METAP1D: variants seen among roughly 807,000 people sequenced by gnomAD.
METAP1D encodes methionine aminopeptidase 1D, mitochondrial.
A neutral mutation model predicts 40.5 loss-of-function variants in METAP1D; 31 were observed. The observed-to-expected ratio is 0.77, with a 90% confidence interval of 0.58 to 1.03. METAP1D has a LOEUF of 1.03. Ranked by LOEUF, METAP1D falls within the 50% of genes least tolerant of loss-of-function variation. The pLI, the probability that METAP1D is intolerant of heterozygous loss-of-function variation, is 0.00. For missense variants in METAP1D, 411 were observed against 420.7 expected (o/e 0.98, Z 0.20); for synonymous variants, 151 against 146.4 (o/e 1.03, Z -0.22).
At chr2:172,038,213 A>G (rs1450728073) in intron 1 of METAP1D, among the ~76,000 whole-genome samples, 7 of 152,182 alleles carry the variant, frequency 4.6e-5, no homozygotes, top group Non-Finnish European at 1.0e-4. Flanking sequence ...TGGCCAAAAT[A>G]TATGCTTACA....
At chr2:172,060,719 C>T (rs754723302) in intron 1 of METAP1D, among the ~76,000 whole-genome samples, 1 of 152,140 alleles carries the variant, frequency 6.6e-6, no homozygotes, top group Admixed American at 6.5e-5. Flanking sequence ...TTTAATCAGT[C>T]CCCTACTGGT....
intron 1 of METAP1D, among the ~76,000 whole-genome samples, chr2:172,054,734 A>G (rs1689965037): frequency 6.6e-6 from 1 of 152,224 alleles, no homozygotes; most frequent in Non-Finnish European, 1.5e-5. Context: ...TGCAGGATCC[A>G]GAGGACATAG....
chr2:172,079,451 C>T (rs1419947550), intron 8 of METAP1D, among the ~76,000 whole-genome samples, 189 bp downstream of exon 8: 4 of 152,262 alleles, frequency 2.6e-5, no homozygotes, highest in Non-Finnish European at 5.9e-5. Flanking sequence ...CTTACCGACA[C>T]ATTTAGGAGA....
chr2:172,050,902 C>T (rs1041458471), intron 1 of METAP1D, among the ~76,000 whole-genome samples: 5 of 152,158 alleles, frequency 3.3e-5, no homozygotes, highest in African/African-American at 9.7e-5. Flanking sequence ...TAATAAACAG[C>T]TTCTTTATTT....
At position 172,080,466 on chromosome 2, in the gene METAP1D, C is replaced by A; in HGVS notation, c.*60C>A. 6.4e-7 allele frequency: 1 copy of A among 1,564,710 alleles called. No homozygotes were observed. The highest frequency in any genetic ancestry group is 8.8e-7 in the Non-Finnish European group (1 of 1,136,628). ...TTTTAAATAAATTGCTGAAATTTGG[C>A]TGGAGAACTTTTAGAAGAAACAGGG... On this transcript the variant is annotated 3_prime_UTR_variant, in exon 10 of 10. Coordinates refer to ENST00000315796, the MANE Select transcript of METAP1D (RefSeq NM_199227.3).
At chr2:172,039,625 G>GT (rs1172094968) in intron 1 of METAP1D, among the ~76,000 whole-genome samples, 5 of 150,778 alleles carry the variant, frequency 3.3e-5, no homozygotes, top group Admixed American at 2.0e-4. Context: ...TTGATGGTGA[G>GT]TTTTTTGTGG....
Position 172,016,294 on chromosome 2 carries a change from AAAAAAAATAT to A in METAP1D, c.40+16287_40+16296del, listed in dbSNP as rs1343195294. Among the ~76,000 whole-genome samples, 27 of 72,014 alleles carry A rather than the reference AAAAAAAATAT, an allele frequency of 3.7e-4. No individual in the cohort carries two copies. The East Asian group carries it at 5.6e-3, about 15-fold the overall frequency. The allele number at this position is 72,014 out of a possible 152,430, so 47.2% of individuals were successfully genotyped here. On this transcript the variant is annotated intron_variant, in intron 1 of 9. Transcript: ENST00000315796. ...CTGTCTCAAAAAAAAAAAAAAAAAA[AAAAAAAATAT>A]ATATATATATATATATATATATATA...
rs544469271 is a variant in METAP1D, at chr2:172,061,572, A to C, written c.115A>C (p.Asn39His). The change falls in exon 2 of 10, where the codon AAT becomes CAT. Residue 39 changes from asparagine (N) to histidine (H), a missense_variant. Coordinates refer to ENST00000315796, the MANE Select transcript of METAP1D (RefSeq NM_199227.3). ...HKQSSSQQRRNFFFRRQRDIS... is the reference protein window; with the variant it reads ...HKQSSSQQRRHFFFRRQRDIS... ...GCAGTCAAGCAGTCAACAAAGAAGA[A>C]ATTTCTTTTTTCGGAGACAAAGAGA... is the stretch of plus-strand genomic sequence containing the variant. 1 of 1,613,924 alleles carries C rather than the reference A, an allele frequency of 6.2e-7. No individual in the cohort carries two copies. Among genetic ancestry groups the C allele is most frequent in the Admixed American group, 1.7e-5 (1 of 60,000 alleles).
At chr2:172,071,908 C>A (rs1260227886) in intron 6 of METAP1D, among the ~76,000 whole-genome samples, 1 of 152,000 alleles carries the variant, frequency 6.6e-6, no homozygotes, top group Admixed American at 6.5e-5. Flanking sequence ...GCCTTTTTTT[C>A]TTCGTAAGCC....
At chr2:172,054,834 A>G (rs55667037) in intron 1 of METAP1D, among the ~76,000 whole-genome samples, 4,975 of 152,264 alleles carry the variant, frequency 0.033, 116 homozygotes, top group Non-Finnish European at 0.05. Context: ...TTCAACTCAG[A>G]CTAGGTGCTG....
intron 1 of METAP1D, among the ~76,000 whole-genome samples, chr2:172,032,495 A>G (rs1689262662): frequency 6.6e-6 from 1 of 152,192 alleles, no homozygotes; most frequent in Non-Finnish European, 1.5e-5. Flanking sequence ...CACTCTTGAA[A>G]ACTGGTTAAG....
At chr2:172,049,971 T>C (rs1689852576) in intron 1 of METAP1D, among the ~76,000 whole-genome samples, 1 of 152,234 alleles carries the variant, frequency 6.6e-6, no homozygotes, top group East Asian at 1.9e-4. Flanking sequence ...CCCATGCCTT[T>C]CACTTAGAGA....
At chr2:172,048,313 A>AT (rs1408859594) in intron 1 of METAP1D, among the ~76,000 whole-genome samples, 2 of 152,022 alleles carry the variant, frequency 1.3e-5, no homozygotes, top group African/African-American at 4.8e-5. Context: ...TTTTAGAGTG[A>AT]CCTCCTCCCA....
At position 172,042,244 on chromosome 2, in the gene METAP1D, T is replaced by C. The variant is rs201262945; in HGVS notation, c.41-19254T>C. ...ATGTGTACACATATACATATGTATG[T>C]GTACATGTGTACACATATACATATA... is the stretch of plus-strand genomic sequence containing the variant. On this transcript the variant is annotated intron_variant, in intron 1 of 9. Transcript: ENST00000315796. 8.9e-3 allele frequency among the ~76,000 whole-genome samples: 108 copies of C among 12,084 alleles called. 27 individuals carry two copies. The East Asian group carries it at 0.7, about 79-fold the overall frequency. The allele number at this position is 12,084 out of a possible 152,430, so 7.9% of individuals were successfully genotyped here. A position where few individuals can be genotyped will look rare whatever the true frequency, so the allele number is the denominator to read the frequency against.
In METAP1D at chr2:172,061,115, C is replaced by T. The variant is rs530644794; in HGVS notation, c.41-383C>T. Among the ~76,000 whole-genome samples the T allele has an allele frequency of 1.1e-4, 17 of 152,272 alleles. No homozygotes were observed. The South Asian group carries it at 1.5e-3, about 13-fold the overall frequency. On this transcript the variant is annotated intron_variant, in intron 1 of 9. Coordinates refer to ENST00000315796, the MANE Select transcript of METAP1D (RefSeq NM_199227.3). ...TTTGTCCGTGATTCTTGAAAGGAAACGGCTTTACAGAGTATAAAGCCATCA... is the reference window on the plus strand; with the variant it reads ...TTTGTCCGTGATTCTTGAAAGGAAATGGCTTTACAGAGTATAAAGCCATCA...
rs192540425 is a variant in METAP1D, at chr2:172,041,526, C to T, written c.41-19972C>T. 1.1e-3 allele frequency among the ~76,000 whole-genome samples: 134 copies of T among 124,826 alleles called. 12 individuals carry two copies. The highest frequency in any genetic ancestry group is 3.2e-3 in the African/African-American group (119 of 37,736). 81.9% of individuals were successfully genotyped at this position (124,826 alleles called of 152,430 possible). A position where few individuals can be genotyped will look rare whatever the true frequency, so the allele number is the denominator to read the frequency against. The stretch of plus-strand genomic sequence containing the variant: ...TAAATAAGGTGTTGTGTGACCTGTC[C>T]GTAAAGGAATTCATGAAACAACTAA... On this transcript the variant is annotated intron_variant, in intron 1 of 9. Transcript: ENST00000315796.
chr2:172,000,871 C>T (rs1660753155), intron 1 of METAP1D, among the ~76,000 whole-genome samples: 1 of 152,120 alleles, frequency 6.6e-6, no homozygotes. Context: ...CGTGGTGACA[C>T]ATGCCTGTAG....
intron 1 of METAP1D, among the ~76,000 whole-genome samples, chr2:172,036,091 G>T (rs1689370151): frequency 1.3e-5 from 2 of 152,088 alleles, no homozygotes; most frequent in Admixed American, 6.5e-5. Flanking sequence ...GCCAAGGTGG[G>T]CGGATCACTA....
chr2:172,000,094 G>T (rs1443047537), intron 1 of METAP1D, 85 bp downstream of exon 1: 23 of 1,186,900 alleles, frequency 1.9e-5, no homozygotes, highest in Non-Finnish European at 2.4e-5. Flanking sequence ...GCGCACCCGC[G>T]CTCAGACTTC....
Sources: allele counts gnomAD v4.1 joint callset (sites outside exome capture counted in the v4.1 genomes callset), GRCh38; gene constraint gnomAD v4.1.1; transcripts MANE v1.5; gene names NCBI Gene and HGNC (gene_info 2026-07-23, HGNC 2026-07-21).